Variants in EYS observed in about 807,000 individuals in gnomAD.
EYS encodes the protein EGF-like photoreceptor maintenance factor.
EYS carries 250 observed loss-of-function variants against 282.1 expected under a neutral mutation model. That is an observed-to-expected ratio of 0.89 (90% confidence interval 0.80 to 0.98). The LOEUF (loss-of-function observed/expected upper bound fraction) is 0.98, where lower values mean the gene tolerates loss of function less well. EYS is among the 50% of genes least tolerant of loss of function. The pLI is 0.00. For missense variants in EYS, 4,016 were observed against 3,709.0 expected (o/e 1.08, Z -2.15); for synonymous variants, 1,355 against 1,282.9 (o/e 1.06, Z -1.20).
intron 35 of EYS, among the ~76,000 whole-genome samples, chr6:63,926,693 T>C (rs1440958508): frequency 6.6e-6 from 1 of 152,218 alleles, no homozygotes; most frequent in Non-Finnish European, 1.5e-5. Flanking sequence ...ATGATAGTAA[T>C]AACTTCACAG....
chr6:64,698,730 C>A (rs1770672982), intron 22 of EYS, among the ~76,000 whole-genome samples: 1 of 152,106 alleles, frequency 6.6e-6, no homozygotes, highest in Non-Finnish European at 1.5e-5. Flanking sequence ...AAAAAAAGCT[C>A]AATATCAATC....
intron 28 of EYS, among the ~76,000 whole-genome samples, chr6:64,397,715 A>C (rs1266226816): frequency 2.6e-5 from 4 of 151,948 alleles, no homozygotes; most frequent in African/African-American, 9.7e-5. Flanking sequence ...CAAAGAACAC[A>C]CTTTTGGCAC....
At chr6:64,977,950 A>G (rs1247777345) in intron 14 of EYS, among the ~76,000 whole-genome samples, 1 of 151,952 alleles carries the variant, frequency 6.6e-6, no homozygotes, top group East Asian at 1.9e-4. Flanking sequence ...GAAAAAGGCT[A>G]TCTCTAAAAC....
intron 1 of EYS, among the ~76,000 whole-genome samples, chr6:65,673,618 A>G (rs536447965): frequency 6.6e-6 from 1 of 152,132 alleles, no homozygotes; most frequent in East Asian, 1.9e-4. Context: ...TTTTTAAAAG[A>G]CCATTAGTCC....
At chr6:64,125,916 C>CT (rs111945672) in intron 31 of EYS, among the ~76,000 whole-genome samples, 7,197 of 140,676 alleles carry the variant, frequency 0.051, 153 homozygotes, top group Admixed American at 0.065. Flanking sequence ...CTATTCTCTT[C>CT]TTTTTTTTTT....
chr6:65,385,626 C>A (rs373837331), intron 7 of EYS, among the ~76,000 whole-genome samples: 3 of 151,826 alleles, frequency 2.0e-5, no homozygotes, highest in South Asian at 4.1e-4. Context: ...AGGAAACATA[C>A]CCATGGAAAT....
intron 2 of EYS, among the ~76,000 whole-genome samples, chr6:65,579,187 C>T (rs970406171): frequency 6.6e-6 from 1 of 151,944 alleles, no homozygotes; most frequent in African/African-American, 2.4e-5. Context: ...GGAACTTAAG[C>T]ATACTTGAAA....
intron 35 of EYS, among the ~76,000 whole-genome samples, chr6:63,948,410 C>A (rs1252409182): frequency 6.6e-6 from 1 of 152,188 alleles, no homozygotes; most frequent in African/African-American, 2.4e-5. Context: ...GAGACAAGTG[C>A]CTTTTGCTCT....
chr6:64,265,201 T>A (rs1767716412), intron 30 of EYS, among the ~76,000 whole-genome samples: 1 of 152,146 alleles, frequency 6.6e-6, no homozygotes, highest in Non-Finnish European at 1.5e-5. Flanking sequence ...GTATGCAATT[T>A]AAAGTCACAA....
rs144243015 is a variant in EYS at position 64,717,870 on chromosome 6, T to C, written c.3444-91625A>G. Among the ~76,000 whole-genome samples the C allele has an allele frequency of 1.2e-4, 19 of 152,300 alleles. No homozygotes were observed. The East Asian group carries it at 3.7e-3, about 29-fold the overall frequency. On this transcript the variant is annotated intron_variant, in intron 22 of 42. Coordinates refer to ENST00000503581, the MANE Select transcript of EYS (RefSeq NM_001142800.2). The stretch of plus-strand genomic sequence containing the variant: ...TGAGAGTCACTACCTCAAAAGCCTT[T>C]AGAAAGATTATGATACATATTAAAA...
intron 33 of EYS, among the ~76,000 whole-genome samples, chr6:64,040,746 G>C (rs761328735): frequency 3.9e-4 from 59 of 152,182 alleles, no homozygotes; most frequent in Non-Finnish European, 7.4e-4. Context: ...TGACAAAGTT[G>C]AGTAGTTCAA....
At chr6:64,120,824 C>T (rs557570059) in intron 31 of EYS, among the ~76,000 whole-genome samples, 36 of 152,262 alleles carry the variant, frequency 2.4e-4, no homozygotes, top group African/African-American at 8.4e-4. Flanking sequence ...TAAAATGACA[C>T]AAATTTATTC....
chr6:64,795,071 C>T (rs982084870), intron 22 of EYS, among the ~76,000 whole-genome samples: 6 of 151,878 alleles, frequency 4.0e-5, no homozygotes, highest in African/African-American at 7.3e-5. Context: ...CCTGCCTCTA[C>T]CAAAAATTCA....
At chr6:64,721,182 A>G (rs1005175880) in intron 22 of EYS, among the ~76,000 whole-genome samples, 1 of 152,148 alleles carries the variant, frequency 6.6e-6, no homozygotes, top group Non-Finnish European at 1.5e-5. Flanking sequence ...GGAGCTCACA[A>G]TTCAATAAGA....
chr6:65,049,845 T>C (rs1773213417), intron 13 of EYS, among the ~76,000 whole-genome samples: 1 of 151,740 alleles, frequency 6.6e-6, no homozygotes, highest in Non-Finnish European at 1.5e-5. Flanking sequence ...TGTCATCCTA[T>C]TGTTGCACAT....
intron 12 of EYS, among the ~76,000 whole-genome samples, chr6:65,101,023 A>G (rs1774879143): frequency 6.6e-6 from 1 of 151,220 alleles, no homozygotes; most frequent in African/African-American, 2.4e-5. Context: ...AATAAATATT[A>G]GTCAGAAATG....
In EYS at chr6:64,022,338, C is replaced by T. The variant is rs1182134412; in HGVS notation, c.6726-23155G>A. On this transcript the variant is annotated intron_variant, in intron 33 of 42. Coordinates refer to ENST00000503581, the MANE Select transcript of EYS (RefSeq NM_001142800.2). ...TATTTTCTGTCTAAAATGTTCTCAG[C>T]ACTCAGGTATCCAGAATCTATTCAT... is the stretch of plus-strand genomic sequence containing the variant. Among the ~76,000 whole-genome samples the T allele has an allele frequency of 4.6e-5, 7 of 152,138 alleles. No homozygotes were observed. In the East Asian group the frequency reaches 1.3e-3, roughly 29 times the overall value.
chr6:65,283,496 CTATT>C (rs1354340415), intron 12 of EYS, among the ~76,000 whole-genome samples: 1 of 151,672 alleles, frequency 6.6e-6, no homozygotes, highest in East Asian at 1.9e-4. Flanking sequence ...TTTATTTTTT[CTATT>C]TTTTTTACAT....
chr6:64,779,366 T>C (rs1773786519), intron 22 of EYS, among the ~76,000 whole-genome samples: 2 of 152,190 alleles, frequency 1.3e-5, no homozygotes, highest in Admixed American at 6.6e-5. Flanking sequence ...TAGACCCATA[T>C]GGCTAAGTGA....
Sources: allele counts gnomAD v4.1 joint callset (sites outside exome capture counted in the v4.1 genomes callset), GRCh38; gene constraint gnomAD v4.1.1; transcripts MANE v1.5; gene names NCBI Gene and HGNC (gene_info 2026-07-23, HGNC 2026-07-21).